Variants in ZNF654 observed in about 807,000 individuals in gnomAD.
The protein encoded by ZNF654 is zinc finger protein 654.
A neutral mutation model predicts 95.3 loss-of-function variants in ZNF654; 19 were observed. The observed-to-expected ratio is 0.20, with a 90% CI of 0.14 to 0.29. The LOEUF (loss-of-function observed/expected upper bound fraction) is 0.29. Ranked by LOEUF, ZNF654 falls within the 10% of genes least tolerant of loss-of-function variation. The probability of loss-of-function intolerance (pLI) is 1.00; values close to 1 mark genes in which losing one functional copy is unlikely to be tolerated. For synonymous variants in ZNF654, 413 were observed against 457.9 expected (o/e 0.90, Z 1.25); for missense variants, 1,046 against 1,341.0 (o/e 0.78, Z 3.44).
At chr3:88,091,468 T>C (rs889909663) in intron 2 of ZNF654, among the ~76,000 whole-genome samples, 1 of 152,210 alleles carries the variant, frequency 6.6e-6, no homozygotes, top group African/African-American at 2.4e-5. Flanking sequence ...TTTTTCCCTC[T>C]TTCATCTATA....
intron 2 of ZNF654, among the ~76,000 whole-genome samples, chr3:88,106,912 A>C (rs1249108024): frequency 6.6e-6 from 1 of 152,104 alleles, no homozygotes; most frequent in Admixed American, 6.5e-5. Flanking sequence ...TCGTATACTA[A>C]ATTTTCACAT....
chr3:88,114,145 T>C (rs1705254126), intron 3 of ZNF654, among the ~76,000 whole-genome samples: 2 of 152,156 alleles, frequency 1.3e-5, no homozygotes, highest in Admixed American at 6.6e-5. Flanking sequence ...GAGTTATTAA[T>C]GATTCTGGCA....
At chr3:88,106,539 C>G (rs767033967) in intron 2 of ZNF654, among the ~76,000 whole-genome samples, 2 of 152,048 alleles carry the variant, frequency 1.3e-5, no homozygotes, top group African/African-American at 4.8e-5. Flanking sequence ...AGGTTTCGTT[C>G]GCCATGTTGG....
intron 6 of ZNF654, among the ~76,000 whole-genome samples, chr3:88,132,525 A>C (rs1338892173): frequency 3.3e-5 from 5 of 152,158 alleles, no homozygotes; most frequent in Admixed American, 2.6e-4. Flanking sequence ...TTCAGAATCC[A>C]CTGTACAACT....
At chr3:88,095,543 T>C (rs1486469067) in intron 2 of ZNF654, 1 of 509,204 alleles carries the variant, frequency 2.0e-6, no homozygotes, top group Non-Finnish European at 4.0e-6. Context: ...CCAGGTCTGC[T>C]TCATCTGTCT....
intron 2 of ZNF654, among the ~76,000 whole-genome samples, chr3:88,102,543 T>C (rs1371981130): frequency 1.3e-5 from 2 of 152,210 alleles, no homozygotes; most frequent in African/African-American, 4.8e-5. Flanking sequence ...CTTAACATGG[T>C]TAATCTTTTC....
At chr3:88,092,002 T>C (rs139415612) in intron 2 of ZNF654, among the ~76,000 whole-genome samples, 300 of 152,328 alleles carry the variant, frequency 2.0e-3, no homozygotes, top group Non-Finnish European at 3.5e-3. Context: ...GAAGCAAATC[T>C]TATCTAAGAT....
intron 2 of ZNF654, among the ~76,000 whole-genome samples, chr3:88,112,216 CATAT>C (rs913815568): frequency 2.6e-5 from 4 of 151,276 alleles, no homozygotes; most frequent in African/African-American, 9.7e-5. Flanking sequence ...ATTTTAAAAG[CATAT>C]ATATTCTCAT....
At position 88,059,543 on chromosome 3, in the gene ZNF654, G is replaced by C. The variant is rs1576166413; in HGVS notation, c.186+38G>C. ...TTGGCCGCCCCGACTTGTCACCCGG[G>C]TCCTGGGCCTCTCTGCGTCTCCTGG... On this transcript the variant is annotated intron_variant, in intron 1 of 8. Coordinates refer to ENST00000636215, the MANE Select transcript of ZNF654 (RefSeq NM_001350134.2). The C allele has an allele frequency of 5.5e-6, 8 of 1,452,102 alleles. No homozygotes were observed. In the East Asian group the frequency reaches 2.0e-4, roughly 36 times the overall value. 90.0% of individuals were successfully genotyped at this position (1,452,102 alleles called of 1,614,324 possible).
intron 1 of ZNF654, among the ~76,000 whole-genome samples, chr3:88,080,271 T>C (rs1438131643): frequency 6.6e-6 from 1 of 152,094 alleles, no homozygotes; most frequent in Non-Finnish European, 1.5e-5. Context: ...TTAATCATAC[T>C]TGGAAACATA....
intron 1 of ZNF654, among the ~76,000 whole-genome samples, chr3:88,072,027 G>T (rs1435393860): frequency 1.3e-5 from 2 of 152,054 alleles, no homozygotes; most frequent in Admixed American, 6.6e-5. Context: ...GATATCTTAG[G>T]CATAAATCTA....
intron 1 of ZNF654, among the ~76,000 whole-genome samples, chr3:88,074,180 A>C (rs1174697328): frequency 6.6e-6 from 1 of 152,118 alleles, no homozygotes; most frequent in Non-Finnish European, 1.5e-5. Flanking sequence ...CCCCTTCTAG[A>C]GTATTACTTA....
intron 2 of ZNF654, among the ~76,000 whole-genome samples, chr3:88,091,119 T>C (rs1399056148): frequency 6.6e-6 from 1 of 152,200 alleles, no homozygotes; most frequent in Non-Finnish European, 1.5e-5. Context: ...TAGCTTTGTG[T>C]ATGTACATTA....
chr3:88,068,675 G>A (rs1707335605), intron 1 of ZNF654, among the ~76,000 whole-genome samples: 1 of 152,074 alleles, frequency 6.6e-6, no homozygotes, highest in Non-Finnish European at 1.5e-5. Flanking sequence ...AACTCATTTT[G>A]AATGCTTTCC....
chr3:88,140,865 C>T lies in ZNF654; in HGVS notation c.3196C>T (p.Arg1066Cys). ...LDERYLSMPK[R>C]RKFLTDRVDA... ...TGAACGGTATCTTAGTATGCCAAAA[C>T]GCAGAAAATTTCTGACTGATAGAGT... Residue 1066 changes from arginine (R) to cysteine (C), a missense_variant, in exon 8 of 9, where the codon CGC becomes TGC. This residue lies in a region of ZNF654 where 59 missense variants were observed against 73.0 expected (regional missense o/e 0.81). Coordinates refer to ENST00000636215, the MANE Select transcript of ZNF654 (RefSeq NM_001350134.2). 6.2e-7 allele frequency: 1 copy of T among 1,613,552 alleles called. No individual in the cohort carries two copies. The highest frequency in any genetic ancestry group is 8.5e-7 in the Non-Finnish European group (1 of 1,179,670).
At chr3:88,125,409 C>A (rs1706038612) in intron 3 of ZNF654, among the ~76,000 whole-genome samples, 1 of 152,110 alleles carries the variant, frequency 6.6e-6, no homozygotes, top group Non-Finnish European at 1.5e-5. Flanking sequence ...CAAGCAGATT[C>A]TCTGAAAAAC....
At chr3:88,137,028 C>T (rs1313382218) in intron 7 of ZNF654, among the ~76,000 whole-genome samples, 1 of 151,888 alleles carries the variant, frequency 6.6e-6, no homozygotes, top group Non-Finnish European at 1.5e-5. Flanking sequence ...AACCCCATCT[C>T]TACTAAAAAT....
chr3:88,095,589 T>C, intron 2 of ZNF654: 1 of 521,742 alleles, frequency 1.9e-6, no homozygotes. Flanking sequence ...GCCACAGGAA[T>C]CTGTTGCCCC....
chr3:88,080,696 T>C (rs1195719009), intron 1 of ZNF654, among the ~76,000 whole-genome samples: 1 of 152,114 alleles, frequency 6.6e-6, no homozygotes, highest in Non-Finnish European at 1.5e-5. Context: ...AGGGCAAATC[T>C]TGAGGTGCAA....
Sources: gnomAD v4.1 joint callset for allele counts (sites outside exome capture counted in the v4.1 genomes callset) on GRCh38, gnomAD v4.1.1 for gene constraint, gnomAD v4.1.1 regional missense constraint, MANE v1.5 for transcripts, NCBI Gene and HGNC (gene_info 2026-07-23, HGNC 2026-07-21) for gene names.